BCAS4: variants seen among roughly 807,000 people sequenced by gnomAD.
The protein encoded by BCAS4 is breast carcinoma amplified sequence 4.
Under a neutral mutation model 15.7 loss-of-function variants are expected in BCAS4, and 9 were observed. The ratio of observed to expected loss-of-function variants is 0.57; its 90% confidence interval spans 0.34 to 1.00. The LOEUF is 1.00. BCAS4 is among the 50% of genes least tolerant of loss of function. The pLI, the probability that BCAS4 is intolerant of heterozygous loss-of-function variation, is 0.02. For missense variants in BCAS4, 225 were observed against 239.1 expected, an observed-to-expected ratio of 0.94 and a Z score of 0.39; for synonymous variants, 101 against 99.5, an observed-to-expected ratio of 1.02 and a Z score of -0.09.
chr20:50,863,543 ACAT>A (rs1360168059), intron 4 of BCAS4, among the ~76,000 whole-genome samples: 2 of 152,076 alleles, frequency 1.3e-5, no homozygotes, highest in Non-Finnish European at 2.9e-5. Flanking sequence ...TATTCATGAG[ACAT>A]CACACCCGGC....
At chr20:50,800,087 C>T (rs536082107) in intron 1 of BCAS4, among the ~76,000 whole-genome samples, 13 of 152,232 alleles carry the variant, frequency 8.5e-5, no homozygotes, top group African/African-American at 2.9e-4. Context: ...AACCTCTAAA[C>T]TGTAATGAAT....
chr20:50,851,694 C>G lies in BCAS4; in HGVS notation c.399+9794C>G, dbSNP rs13433374. Among the ~76,000 whole-genome samples the G allele has an allele frequency of 0.072, 10,979 of 152,174 alleles. 660 individuals are homozygous for G. The highest frequency in any genetic ancestry group is 0.25 in the East Asian group (1,297 of 5,146). On this transcript the variant is annotated intron_variant, in intron 4 of 4. Transcript: ENST00000371608. This position sits in a 1 kb window ranked among gnomAD's most constrained non-coding sequence, Gnocchi z 4.3. ...CAGCAGTGCCCTGGGCCCAGCCCTG[C>G]CATCCTGGGGTTGTTGGACATTGTT...
At chr20:50,873,804 T>G (rs932652692) in intron 4 of BCAS4, among the ~76,000 whole-genome samples, 1 of 152,166 alleles carries the variant, frequency 6.6e-6, no homozygotes, top group Non-Finnish European at 1.5e-5. Flanking sequence ...TGACTGAGGA[T>G]TGGCTGGGCA....
chr20:50,841,694 C>A, intron 3 of BCAS4, 72 bp from the exon 4 acceptor site: 1 of 1,602,654 alleles, frequency 6.2e-7, no homozygotes, highest in South Asian at 1.1e-5. Context: ...TCCCCACCAG[C>A]CCAGGGAGTG....
At chr20:50,816,898 G>A (rs772006760) in intron 1 of BCAS4, among the ~76,000 whole-genome samples, 2 of 143,474 alleles carry the variant, frequency 1.4e-5, no homozygotes, top group Admixed American at 7.4e-5. Flanking sequence ...TCCGCCTCCC[G>A]GGTTCAAGCG....
At position 50,822,681 on chromosome 20, in the gene BCAS4, G is replaced by A. The variant is rs1568663012; in HGVS notation, c.162+4399G>A. ...GACACAGTCTCACTCTGTTGCCCAG[G>A]CTGTAGTGCAGTGGCGCTATCTCAG... On this transcript the variant is annotated intron_variant, in intron 2 of 4. Transcript: ENST00000371608. Among the ~76,000 whole-genome samples the A allele has an allele frequency of 4.6e-5, 7 of 151,328 alleles. No homozygotes were observed. In the South Asian group the frequency reaches 1.5e-3, roughly 32 times the overall value.
chr20:50,829,616 A>C (rs1018830756), intron 2 of BCAS4, among the ~76,000 whole-genome samples: 2 of 152,102 alleles, frequency 1.3e-5, no homozygotes, highest in African/African-American at 4.8e-5. Flanking sequence ...TGAAAATGGA[A>C]TCTCTCGTTC....
intron 4 of BCAS4, among the ~76,000 whole-genome samples, chr20:50,859,059 G>A (rs1036117816): frequency 6.6e-6 from 1 of 151,672 alleles, no homozygotes; most frequent in African/African-American, 2.4e-5. Flanking sequence ...TCAGCCCCCC[G>A]CAAGTAGCTG....
chr20:50,857,538 T>G (rs1303281442), intron 4 of BCAS4, among the ~76,000 whole-genome samples: 1 of 152,196 alleles, frequency 6.6e-6, no homozygotes, highest in Admixed American at 6.5e-5. Flanking sequence ...ACAGAGAGGT[T>G]AGTAACTTGG....
At chr20:50,864,438 G>GTT (rs1568684273) in intron 4 of BCAS4, among the ~76,000 whole-genome samples, 1 of 138,508 alleles carries the variant, frequency 7.2e-6, no homozygotes, top group African/African-American at 2.8e-5. Context: ...GATCATGATT[G>GTT]ATTTTTTTTT....
chr20:50,849,936 G>T (rs1345042128), intron 4 of BCAS4, among the ~76,000 whole-genome samples: 1 of 152,110 alleles, frequency 6.6e-6, no homozygotes, highest in Non-Finnish European at 1.5e-5. Flanking sequence ...AGACCAGCCT[G>T]GGCAACACAG....
intron 4 of BCAS4, chr20:50,846,815 T>C (rs185149556): frequency 2.6e-5 from 4 of 152,038 alleles, no homozygotes; most frequent in Admixed American, 2.6e-4. Context: ...GGTTTTGCCA[T>C]GTTGGCCAGG....
rs2087835357 is a variant in BCAS4, at chr20:50,795,075, G to T, written c.-9G>T. On this transcript the variant is annotated 5_prime_UTR_variant, in exon 1 of 5. Transcript: ENST00000371608. The stretch of plus-strand genomic sequence containing the variant: ...CAGCCTCCGCCAGCCGGACCCCGTC[G>T]CCCTCCTGATGCTGCTCGTGGACGC... 6.7e-7 allele frequency: 1 copy of T among 1,492,688 alleles called. No individual in the cohort carries two copies. The allele number at this position is 1,492,688 out of a possible 1,614,324, so 92.5% of individuals were successfully genotyped here. A position where few individuals can be genotyped will look rare whatever the true frequency, so the allele number is the denominator to read the frequency against.
intron 3 of BCAS4, chr20:50,840,970 C>T (rs906657327): frequency 1.4e-5 from 7 of 496,360 alleles, no homozygotes; most frequent in African/African-American, 5.8e-5. Context: ...GCTGGGATTA[C>T]GGGCATGTGC....
chr20:50,796,396 C>CAT (rs554920502), intron 1 of BCAS4, among the ~76,000 whole-genome samples: 1,543 of 121,436 alleles, frequency 0.013, 40 homozygotes, highest in African/African-American at 0.035. Context: ...AATATCTTTC[C>CAT]ATATATATAT....
At chr20:50,850,424 G>A (rs776252795) in intron 4 of BCAS4, among the ~76,000 whole-genome samples, 3 of 152,210 alleles carry the variant, frequency 2.0e-5, no homozygotes, top group Non-Finnish European at 2.9e-5. Flanking sequence ...CCCAAGGGCA[G>A]GGACTGAAAC....
chr20:50,861,746 C>G (rs776874801), intron 4 of BCAS4, among the ~76,000 whole-genome samples: 5 of 152,236 alleles, frequency 3.3e-5, no homozygotes, highest in South Asian at 4.1e-4. Flanking sequence ...CTTCCCTCCC[C>G]CTATGTGGCT....
intron 4 of BCAS4, among the ~76,000 whole-genome samples, chr20:50,853,553 G>A (rs566388981): frequency 2.0e-5 from 3 of 152,150 alleles, no homozygotes; most frequent in East Asian, 1.9e-4. Flanking sequence ...TTAAGATTGC[G>A]GATCCAGTTC....
intron 1 of BCAS4, among the ~76,000 whole-genome samples, chr20:50,815,155 A>G (rs2088122717): frequency 6.6e-6 from 1 of 152,200 alleles, no homozygotes; most frequent in South Asian, 2.1e-4. Flanking sequence ...ATTGGGTTCC[A>G]GCTGCATGGC....
Sources: allele counts gnomAD v4.1 joint callset (sites outside exome capture counted in the v4.1 genomes callset), GRCh38; gene constraint gnomAD v4.1.1; non-coding constraint Gnocchi (gnomAD v3.1); transcripts MANE v1.5; gene names NCBI Gene and HGNC (gene_info 2026-07-23, HGNC 2026-07-21).